The following MFSD11 variants were observed in gnomAD, a reference collection of about 807,000 sequenced individuals.
The protein encoded by MFSD11 is UNC93-like protein MFSD11.
In MFSD11, 36 loss-of-function variants were observed where a neutral mutation model predicts 53.5. That is an observed-to-expected ratio of 0.67 (90% CI 0.52 to 0.89). The LOEUF is 0.89. MFSD11 is among the 40% of genes least tolerant of loss of function. The probability of loss-of-function intolerance (pLI) is 0.00; values close to 1 mark genes in which losing one functional copy is unlikely to be tolerated. For synonymous variants in MFSD11, 186 were observed against 184.9 expected (o/e 1.01, Z -0.05); for missense variants, 530 against 543.9 (o/e 0.97, Z 0.25).
chr17:76,801,078 A>G, the MFSD11 span, among the ~76,000 whole-genome samples: 1 of 151,434 alleles, frequency 6.6e-6, no homozygotes, highest in Non-Finnish European at 1.5e-5. Context: ...TCGGTCTGAA[A>G]AAAAAAAAAG....
the MFSD11 span, among the ~76,000 whole-genome samples, chr17:76,800,635 A>G: frequency 6.6e-6 from 1 of 152,172 alleles, no homozygotes; most frequent in African/African-American, 2.4e-5. Flanking sequence ...TTGTCTGGCT[A>G]CAGAACAGTG....
chr17:76,782,199 G>A (rs1455529125), downstream of MFSD11, among the ~76,000 whole-genome samples: 1 of 146,770 alleles, frequency 6.8e-6, no homozygotes, highest in East Asian at 2.1e-4. Flanking sequence ...TTTTGAGATG[G>A]AATTTCACTC....
chr17:76,765,714 C>A (rs2080788368), intron 8 of MFSD11, among the ~76,000 whole-genome samples: 1 of 151,986 alleles, frequency 6.6e-6, no homozygotes, highest in South Asian at 2.1e-4. Flanking sequence ...GTCAGCCTCC[C>A]AAATTGTTGG....
At chr17:76,787,822 G>A in the MFSD11 span, among the ~76,000 whole-genome samples, 1 of 149,364 alleles carries the variant, frequency 6.7e-6, no homozygotes, top group African/African-American at 2.5e-5. Context: ...CACCTTTTTC[G>A]GAGTTTAGGC....
chr17:76,786,110 T>TAG (rs1420203383), downstream of MFSD11, among the ~76,000 whole-genome samples: 1 of 146,156 alleles, frequency 6.8e-6, no homozygotes, highest in East Asian at 2.0e-4. Flanking sequence ...GTTCCTTGAG[T>TAG]ACCTGAGACA....
In MFSD11 at chr17:76,775,098, T is replaced by C; in HGVS notation, c.976T>C (p.Phe326Leu). The C allele has an allele frequency of 3.7e-6, 6 of 1,614,096 alleles. No homozygotes were observed. The highest frequency in any genetic ancestry group is 5.1e-6 in the Non-Finnish European group (6 of 1,179,964). The change falls in exon 11 of 13, where the codon TTT becomes CTT. Residue 326 changes from phenylalanine (F) to leucine (L), a missense_variant. Physicochemically the swap from Phe to Leu is conservative, Grantham distance 22 (BLOSUM62 0). Transcript: ENST00000685175. ...LVHFIAFYLI[F>L]LNMPGDAPIA... ...GCACTTCATAGCTTTTTATCTAATA[T>C]TTCTCAACATGCCTGGAGATGCCCC...
chr17:76,742,343 T>C (rs1229599417), intron 5 of MFSD11, 70 bp downstream of exon 5: 1 of 1,291,988 alleles, frequency 7.7e-7, no homozygotes, highest in Non-Finnish European at 1.1e-6. Flanking sequence ...TTTTTAGGTC[T>C]TTGGTTGACA....
chr17:76,740,823 T>G (rs1483441556), intron 2 of MFSD11, 134 bp from the exon 3 acceptor site: 3 of 614,072 alleles, frequency 4.9e-6, no homozygotes, highest in Non-Finnish European at 8.6e-6. Flanking sequence ...ATGATATAAC[T>G]ATCATAAATT....
chr17:76,767,562 A>G (rs1487067709), intron 9 of MFSD11, 111 bp downstream of exon 9: 2 of 674,032 alleles, frequency 3.0e-6, no homozygotes, highest in African/African-American at 1.8e-5. Flanking sequence ...GACTCAGTGA[A>G]TGGTTCTTCT....
At chr17:76,790,883 G>T in the MFSD11 span, among the ~76,000 whole-genome samples, 1 of 145,332 alleles carries the variant, frequency 6.9e-6, no homozygotes, top group Admixed American at 6.8e-5. Context: ...GGAGGTTGCA[G>T]TGAGCCAAGA....
At chr17:76,737,820 G>A (rs553450716), upstream of MFSD11, 372 of 161,194 alleles carry the variant, frequency 2.3e-3, 2 homozygotes, top group African/African-American at 7.9e-3. Context: ...GCTCTTCGCC[G>A]GAGTCCGCTT....
intron 8 of MFSD11, among the ~76,000 whole-genome samples, chr17:76,764,955 G>C (rs1568095709): frequency 6.6e-6 from 1 of 152,044 alleles, no homozygotes; most frequent in Non-Finnish European, 1.5e-5. Flanking sequence ...TTTGATAATA[G>C]CCATCCCAAC....
chr17:76,749,531 C>CA (rs36069386), intron 7 of MFSD11, among the ~76,000 whole-genome samples: 141,811 of 144,234 alleles, frequency 0.98, 69,715 homozygotes, highest in Non-Finnish European at 0.99. Context: ...GAGCCTGTCT[C>CA]AAAAAAAAAA....
chr17:76,751,829 G>A (rs930004944), intron 7 of MFSD11, among the ~76,000 whole-genome samples: 5 of 151,880 alleles, frequency 3.3e-5, no homozygotes, highest in Non-Finnish European at 7.4e-5. Flanking sequence ...TGGGTAAGTC[G>A]TAGCATCCCT....
At chr17:76,743,615 ATAT>A (rs895029051) in intron 6 of MFSD11, among the ~76,000 whole-genome samples, 159 bp downstream of exon 6, 5 of 151,880 alleles carry the variant, frequency 3.3e-5, no homozygotes, top group East Asian at 3.9e-4. Context: ...TCCTTGGTTT[ATAT>A]TATTATTATT....
intron 8 of MFSD11, among the ~76,000 whole-genome samples, chr17:76,760,521 TTC>T (rs1017589040): frequency 1.4e-5 from 2 of 148,106 alleles, no homozygotes; most frequent in Non-Finnish European, 2.9e-5. Context: ...AGAAGCAGTT[TTC>T]TTTCTTTTTT....
the MFSD11 span, among the ~76,000 whole-genome samples, chr17:76,797,408 G>A: frequency 2.0e-5 from 3 of 152,184 alleles, no homozygotes; most frequent in East Asian, 3.9e-4. Context: ...GCATTGCCAC[G>A]GCATTTGTAA....
intron 7 of MFSD11, among the ~76,000 whole-genome samples, chr17:76,744,822 T>C (rs1226320049): frequency 6.6e-6 from 1 of 152,214 alleles, no homozygotes; most frequent in Non-Finnish European, 1.5e-5. Flanking sequence ...TTGACCTTGG[T>C]TACTGTTTCT....
the MFSD11 span, among the ~76,000 whole-genome samples, chr17:76,788,483 A>C: frequency 6.7e-6 from 1 of 148,942 alleles, no homozygotes; most frequent in South Asian, 2.2e-4. Flanking sequence ...CTCCTGCCTC[A>C]ACCTCCCAAG....
Sources: gnomAD v4.1 joint callset for allele counts (sites outside exome capture counted in the v4.1 genomes callset) on GRCh38, gnomAD v4.1.1 for gene constraint, MANE v1.5 for transcripts, NCBI Gene and HGNC (gene_info 2026-07-23, HGNC 2026-07-21) for gene names.